PABPC4L: variants seen among roughly 807,000 people sequenced by gnomAD.
The protein encoded by PABPC4L is polyadenylate-binding protein 4-like.
For synonymous variants in PABPC4L, 169 were observed against 164.1 expected (o/e 1.03, Z -0.23); for missense variants, 452 against 451.4 (o/e 1.00, Z -0.01).
At chr4:134,125,530 A>G in the PABPC4L span, among the ~76,000 whole-genome samples, 1 of 152,134 alleles carries the variant, frequency 6.6e-6, no homozygotes, top group Non-Finnish European at 1.5e-5. Context: ...TGGTTTAAGA[A>G]GCTACGTATG....
the PABPC4L span, among the ~76,000 whole-genome samples, chr4:134,007,480 T>C: frequency 1.3e-5 from 2 of 151,854 alleles, no homozygotes; most frequent in South Asian, 2.1e-4. Context: ...CTAAATGCTT[T>C]ACATATATTA....
the PABPC4L span, among the ~76,000 whole-genome samples, chr4:134,084,241 C>T: frequency 6.6e-6 from 1 of 151,942 alleles, no homozygotes; most frequent in East Asian, 1.9e-4. Flanking sequence ...GAGAAGAGGT[C>T]TCCCGATGTT....
At chr4:134,159,842 A>G in the PABPC4L span, among the ~76,000 whole-genome samples, 2 of 152,246 alleles carry the variant, frequency 1.3e-5, no homozygotes, top group East Asian at 1.9e-4. Flanking sequence ...CCCTCCCCCA[A>G]TTGCAGGATG....
At chr4:134,123,208 C>G in the PABPC4L span, among the ~76,000 whole-genome samples, 2 of 151,934 alleles carry the variant, frequency 1.3e-5, no homozygotes, top group Non-Finnish European at 2.9e-5. Flanking sequence ...ATCACTCATG[C>G]CTGAATTAAG....
chr4:134,025,329 A>T, the PABPC4L span, among the ~76,000 whole-genome samples: 11 of 150,088 alleles, frequency 7.3e-5, no homozygotes, highest in African/African-American at 2.7e-4. Flanking sequence ...AAAAAAAAAA[A>T]AGAGTGCTGT....
the PABPC4L span, among the ~76,000 whole-genome samples, chr4:134,064,157 A>T: frequency 6.6e-6 from 1 of 152,024 alleles, no homozygotes; most frequent in Non-Finnish European, 1.5e-5. Context: ...TTTGGGGAGG[A>T]ATAATATCTA....
the PABPC4L span, among the ~76,000 whole-genome samples, chr4:134,137,228 T>A: frequency 6.6e-6 from 1 of 151,892 alleles, no homozygotes; most frequent in Non-Finnish European, 1.5e-5. Context: ...CACTAATTCT[T>A]AACAAAAAAT....
the PABPC4L span, among the ~76,000 whole-genome samples, chr4:134,148,920 A>C: frequency 6.6e-6 from 1 of 152,086 alleles, no homozygotes; most frequent in Non-Finnish European, 1.5e-5. Context: ...CCTCATAACA[A>C]AGACCTAGAA....
chr4:134,120,376 G>A, the PABPC4L span, among the ~76,000 whole-genome samples: 3 of 143,878 alleles, frequency 2.1e-5, no homozygotes, highest in African/African-American at 7.6e-5. Flanking sequence ...ATTTAATATT[G>A]TGTGTATTTA....
chr4:134,176,957 C>T, the PABPC4L span, among the ~76,000 whole-genome samples: 2 of 152,066 alleles, frequency 1.3e-5, no homozygotes, highest in African/African-American at 4.8e-5. Flanking sequence ...CTGCAGCAGA[C>T]CTATACTGGT....
In PABPC4L at chr4:134,196,347, T is replaced by A. The variant is rs1341783423; in HGVS notation, c.*3560A>T. The stretch of plus-strand genomic sequence containing the variant: ...TTCAAACATGCTTTCACCTTTGAAA[T>A]ATTAGATTTTATTTGACATTTTCTC... On this transcript the variant is annotated 3_prime_UTR_variant, in exon 2 of 2. Coordinates refer to ENST00000421491, the MANE Select transcript of PABPC4L (RefSeq NM_001114734.2). The A allele has an allele frequency of 6.6e-6, 1 of 151,746 alleles. No individual in the cohort carries two copies. Among genetic ancestry groups the A allele is most frequent in the Non-Finnish European group, 1.5e-5 (1 of 67,680 alleles). The allele number at this position is 151,746 out of a possible 1,614,324, so 9.4% of individuals were successfully genotyped here. A position where few individuals can be genotyped will look rare whatever the true frequency, so the allele number is the denominator to read the frequency against.
chr4:134,198,876 C>T lies in PABPC4L; in HGVS notation c.*1031G>A, dbSNP rs1043142294. 3 of 151,878 alleles carry T rather than the reference C, an allele frequency of 2.0e-5. No individual in the cohort carries two copies. The highest frequency in any genetic ancestry group is 6.6e-5 in the Admixed American group (1 of 15,252). The allele number at this position is 151,878 out of a possible 1,614,324, so 9.4% of individuals were successfully genotyped here. A position where few individuals can be genotyped will look rare whatever the true frequency, so the allele number is the denominator to read the frequency against. On this transcript the variant is annotated 3_prime_UTR_variant, in exon 2 of 2. Transcript: ENST00000421491. ...AATCAGTGTTTCTGATCAATGAAGG[C>T]TAAAAGTGAACCTTAATGGGTTCCA... is the stretch of plus-strand genomic sequence containing the variant.
chr4:134,162,736 A>G, the PABPC4L span, among the ~76,000 whole-genome samples: 4 of 152,146 alleles, frequency 2.6e-5, no homozygotes, highest in Non-Finnish European at 5.9e-5. Context: ...AATACATGGA[A>G]ATTAATCAAA....
At chr4:134,042,063 A>C in the PABPC4L span, among the ~76,000 whole-genome samples, 2 of 152,200 alleles carry the variant, frequency 1.3e-5, no homozygotes, top group Non-Finnish European at 2.9e-5. Context: ...GTGTAAATAT[A>C]AATCTACACA....
At chr4:134,015,159 C>T in the PABPC4L span, among the ~76,000 whole-genome samples, 1 of 152,198 alleles carries the variant, frequency 6.6e-6, no homozygotes, top group African/African-American at 2.4e-5. Context: ...TGCCAATATC[C>T]CATCCCGCAG....
chr4:134,102,152 A>G, the PABPC4L span, among the ~76,000 whole-genome samples: 1 of 151,474 alleles, frequency 6.6e-6, no homozygotes, highest in African/African-American at 2.4e-5. Flanking sequence ...AAATTGACAA[A>G]CACTATGTTA....
chr4:134,126,638 A>C, the PABPC4L span, among the ~76,000 whole-genome samples: 2 of 152,012 alleles, frequency 1.3e-5, no homozygotes, highest in African/African-American at 4.8e-5. Flanking sequence ...TAAAACTTCC[A>C]AATTGTAATT....
the PABPC4L span, among the ~76,000 whole-genome samples, chr4:134,041,384 C>G: frequency 1.3e-5 from 2 of 152,068 alleles, no homozygotes; most frequent in African/African-American, 4.8e-5. Context: ...CCATGGAATA[C>G]TAGGCAGCCA....
chr4:134,027,248 T>C, the PABPC4L span, among the ~76,000 whole-genome samples: 1 of 152,042 alleles, frequency 6.6e-6, no homozygotes, highest in Non-Finnish European at 1.5e-5. Context: ...GAAGTCTAAT[T>C]AACCTGAGAT....
Sources: allele counts gnomAD v4.1 joint callset (sites outside exome capture counted in the v4.1 genomes callset), GRCh38; gene constraint gnomAD v4.1.1; transcripts MANE v1.5; gene names NCBI Gene and HGNC (gene_info 2026-07-23, HGNC 2026-07-21).